Variants in GMPS observed in about 807,000 individuals in gnomAD.
The protein encoded by GMPS is GMP synthase [glutamine-hydrolyzing].
In GMPS, 15 loss-of-function variants were observed where a neutral mutation model predicts 77.9. The ratio of observed to expected loss-of-function variants is 0.19; its 90% CI spans 0.13 to 0.30. The LOEUF (loss-of-function observed/expected upper bound fraction) is 0.30, where lower values mean the gene tolerates loss of function less well. Among genes scored for constraint, GMPS ranks in the 10% least tolerant of loss-of-function variants. The pLI, the probability that GMPS is intolerant of heterozygous loss-of-function variation, is 1.00. For missense variants in GMPS, 590 were observed against 838.8 expected (o/e 0.70, Z 3.66); for synonymous variants, 224 against 275.9 (o/e 0.81, Z 1.86).
chr3:155,873,977 C>G (rs1753967812), intron 1 of GMPS, among the ~76,000 whole-genome samples: 2 of 152,078 alleles, frequency 1.3e-5, no homozygotes, highest in African/African-American at 4.8e-5. Flanking sequence ...TTTTGGTGCA[C>G]CCATCACCCG....
At position 155,937,902 on chromosome 3, in the gene GMPS, T is replaced by C. The variant is rs916145643; in HGVS notation, c.*210T>C. 4.0e-6 allele frequency: 2 copies of C among 499,656 alleles called. No homozygotes were observed. The highest frequency in any genetic ancestry group is 1.9e-5 in the African/African-American group (1 of 52,120). 31.0% of individuals were successfully genotyped at this position (499,656 alleles called of 1,614,324 possible). A position where few individuals can be genotyped will look rare whatever the true frequency, so the allele number is the denominator to read the frequency against. ...TACGGGTAAATAATCAAAGCACCATTGCCTACACTCAGACAGATTGATACT... is the reference window on the plus strand; with the variant it reads ...TACGGGTAAATAATCAAAGCACCATCGCCTACACTCAGACAGATTGATACT... On this transcript the variant is annotated 3_prime_UTR_variant, in exon 16 of 16. Coordinates refer to ENST00000496455, the MANE Select transcript of GMPS (RefSeq NM_003875.3).
intron 12 of GMPS, among the ~76,000 whole-genome samples, chr3:155,928,757 A>G (rs1472521266): frequency 1.1e-3 from 155 of 137,606 alleles, no homozygotes; most frequent in South Asian, 4.9e-3. Context: ...TCATTGTTCA[A>G]TTCCCACCTA....
chr3:155,891,748 A>G (rs1754472812), intron 1 of GMPS, among the ~76,000 whole-genome samples: 1 of 151,654 alleles, frequency 6.6e-6, no homozygotes, highest in South Asian at 2.1e-4. Flanking sequence ...CTGGGATTAT[A>G]GGTGCCCACC....
intron 14 of GMPS, 135 bp from the exon 15 acceptor site, chr3:155,936,203 C>T (rs1282150773): frequency 3.3e-6 from 2 of 612,416 alleles, no homozygotes; most frequent in Non-Finnish European, 5.9e-6. Flanking sequence ...TAGCTGAAAT[C>T]AATGCATGAT....
At chr3:155,915,785 C>T (rs2108112374) in intron 8 of GMPS, among the ~76,000 whole-genome samples, 1 of 152,288 alleles carries the variant, frequency 6.6e-6, no homozygotes, top group Middle Eastern at 3.4e-3. Context: ...ATCCACCCCA[C>T]TCAGCCTCCC....
intron 2 of GMPS, chr3:155,895,298 T>C (rs1013947875): frequency 6.6e-6 from 1 of 151,118 alleles, no homozygotes; most frequent in African/African-American, 2.4e-5. Context: ...ACCTACCTAT[T>C]TTTATTTTTT....
chr3:155,871,851 C>G lies in GMPS; in HGVS notation c.27+954C>G, dbSNP rs538897102. 5.3e-5 allele frequency among the ~76,000 whole-genome samples: 8 copies of G among 152,342 alleles called. No homozygotes were observed. In the South Asian group the frequency reaches 1.7e-3, roughly 32 times the overall value. ...TCTCCTCCAACTCACTTTTCTTAGA[C>G]CGTTCCTCTTACTTTCGTCCCGCTT... On this transcript the variant is annotated intron_variant, in intron 1 of 15. Transcript: ENST00000496455.
Position 155,936,619 on chromosome 3 carries a change from G to C in GMPS, c.1980+109G>C, listed in dbSNP as rs1577539790. The C allele has an allele frequency of 2.1e-5, 14 of 660,176 alleles. No homozygotes were observed. In the East Asian group the frequency reaches 3.4e-4, roughly 16 times the overall value. 40.9% of individuals were successfully genotyped at this position (660,176 alleles called of 1,614,324 possible). The stretch of plus-strand genomic sequence containing the variant: ...GCTGTATTTCTTATGTTGGTTTTCT[G>C]TTCATAAGATAGGCTTTTTTTTTTA... On this transcript the variant is annotated intron_variant, in intron 15 of 15. Transcript: ENST00000496455.
At position 155,938,861 on chromosome 3, in the gene GMPS, C is replaced by T. The variant is rs1348431520; in HGVS notation, c.*1169C>T. 2 of 213,658 alleles carry T rather than the reference C, an allele frequency of 9.4e-6. No individual in the cohort carries two copies. The highest frequency in any genetic ancestry group is 1.4e-4 in the East Asian group (2 of 14,238). The allele number at this position is 213,658 out of a possible 1,614,324, so 13.2% of individuals were successfully genotyped here. ...ATCTTTTATAACATTCACATAAGTA[C>T]TGTAGACAGTAGTAGACTTAAACTC... is the stretch of plus-strand genomic sequence containing the variant. On this transcript the variant is annotated 3_prime_UTR_variant, in exon 16 of 16. Transcript: ENST00000496455.
chr3:155,882,422 G>A (rs890022603), intron 1 of GMPS, among the ~76,000 whole-genome samples: 1 of 152,090 alleles, frequency 6.6e-6, no homozygotes, highest in Admixed American at 6.5e-5. Context: ...CATATGTCTG[G>A]TTGTCTGTTT....
rs1755792708 is a variant in GMPS at position 155,937,571 on chromosome 3, T to G, written c.1981-20T>G. 2.9e-6 allele frequency: 3 copies of G among 1,044,684 alleles called. No homozygotes were observed. The highest frequency in any genetic ancestry group is 4.5e-6 in the Non-Finnish European group (3 of 664,164). The allele number at this position is 1,044,684 out of a possible 1,614,324, so 64.7% of individuals were successfully genotyped here. Reference sequence around the variant, plus strand: ...GACATGCAGTGGATGCTGACTTTTCTCTATAATTTTTTTTAATAGGTGGTA... The same window carrying G: ...GACATGCAGTGGATGCTGACTTTTCGCTATAATTTTTTTTAATAGGTGGTA... On this transcript the variant is annotated intron_variant, in intron 15 of 15. Coordinates refer to ENST00000496455, the MANE Select transcript of GMPS (RefSeq NM_003875.3).
intron 2 of GMPS, among the ~76,000 whole-genome samples, chr3:155,894,778 A>C (rs369691403): frequency 7.2e-5 from 11 of 152,332 alleles, no homozygotes; most frequent in African/African-American, 2.4e-4. Flanking sequence ...TTGGTTCTGA[A>C]GTAGAGTGAA....
chr3:155,884,601 C>G (rs1477884540), intron 1 of GMPS, among the ~76,000 whole-genome samples: 1 of 152,092 alleles, frequency 6.6e-6, no homozygotes, highest in Non-Finnish European at 1.5e-5. Flanking sequence ...GTTAAAAAAT[C>G]AGATTAGAAA....
rs1386083079 is a variant in GMPS, at chr3:155,906,195, A to G, written c.458A>G (p.His153Arg). 1 of 1,610,362 alleles carries G rather than the reference A, an allele frequency of 6.2e-7. No individual in the cohort carries two copies. The highest frequency in any genetic ancestry group is 8.5e-7 in the Non-Finnish European group (1 of 1,177,440). ...LQKEEVVLLT[H>R]GDSVDKVADG... The stretch of plus-strand genomic sequence containing the variant: ...AAGGAAGAAGTTGTTTTGCTTACAC[A>G]TGGAGATAGTGTAGACAAAGTAGCT... The change falls in exon 5 of 16, where the codon CAT becomes CGT. Residue 153 changes from histidine (H) to arginine (R), a missense_variant. Around this residue, in one of 6 missense-constraint regions of GMPS, gnomAD observed 136 missense variants for 225.6 expected, o/e 0.60. Coordinates refer to ENST00000496455, the MANE Select transcript of GMPS (RefSeq NM_003875.3).
chr3:155,917,127 C>T (rs1019419388), intron 9 of GMPS, among the ~76,000 whole-genome samples: 6 of 152,028 alleles, frequency 3.9e-5, no homozygotes, highest in East Asian at 3.9e-4. Flanking sequence ...GCATGCGCCA[C>T]GAGGCCCGGC....
At chr3:155,870,227 C>T (rs926304780), upstream of GMPS, among the ~76,000 whole-genome samples, 2 of 152,260 alleles carry the variant, frequency 1.3e-5, no homozygotes, top group African/African-American at 4.8e-5. Context: ...GCCACGCCAC[C>T]GGCTAAGAGT....
intron 1 of GMPS, among the ~76,000 whole-genome samples, chr3:155,888,544 C>T (rs898161059): frequency 4.0e-5 from 6 of 151,822 alleles, no homozygotes; most frequent in South Asian, 2.1e-4. Flanking sequence ...ACCTCTGCCT[C>T]CCGAGTAGCT....
intron 1 of GMPS, among the ~76,000 whole-genome samples, chr3:155,886,611 C>CTTTTTT (rs58367815): frequency 0.012 from 968 of 78,042 alleles, 50 homozygotes; most frequent in East Asian, 0.071. Context: ...TTCCTGATGA[C>CTTTTTT]TTTTTTTTTT....
At chr3:155,881,670 G>C (rs1485254757) in intron 1 of GMPS, among the ~76,000 whole-genome samples, 1 of 152,186 alleles carries the variant, frequency 6.6e-6, no homozygotes, top group Non-Finnish European at 1.5e-5. Flanking sequence ...TGGGTCAGCT[G>C]ACATTGCTCA....
Sources: gnomAD v4.1 joint callset for allele counts (sites outside exome capture counted in the v4.1 genomes callset) on GRCh38, gnomAD v4.1.1 for gene constraint, gnomAD v4.1.1 regional missense constraint, MANE v1.5 for transcripts, NCBI Gene and HGNC (gene_info 2026-07-23, HGNC 2026-07-21) for gene names.